Variants in SNX13 observed in about 807,000 individuals in gnomAD.
SNX13 encodes sorting nexin-13.
In SNX13, 45 loss-of-function variants were observed where a neutral mutation model predicts 133.6. The observed-to-expected ratio is 0.34, with a 90% CI of 0.27 to 0.43. The LOEUF (loss-of-function observed/expected upper bound fraction) is 0.43, where lower values mean the gene tolerates loss of function less well. Among genes scored for constraint, SNX13 ranks in the 20% least tolerant of loss-of-function variants. SNX13 has a pLI of 1.00. For missense variants in SNX13, 1,032 were observed against 1,145.1 expected, an observed-to-expected ratio of 0.90 and a Z score of 1.43; for synonymous variants, 414 against 373.9, an observed-to-expected ratio of 1.11 and a Z score of -1.24.
chr7:17,932,778 C>A (rs1333082188), intron 1 of SNX13, among the ~76,000 whole-genome samples: 1 of 152,186 alleles, frequency 6.6e-6, no homozygotes, highest in Non-Finnish European at 1.5e-5. Flanking sequence ...GTAGATTTAC[C>A]AGGAGTTGTA....
chr7:17,875,343 T>C (rs1794600063), intron 7 of SNX13, 137 bp downstream of exon 7: 4 of 629,670 alleles, frequency 6.4e-6, no homozygotes, highest in South Asian at 2.4e-5. Context: ...AGTTACAAAA[T>C]AAAATAAAAT....
intron 9 of SNX13, among the ~76,000 whole-genome samples, chr7:17,858,766 C>T (rs540226479): frequency 6.6e-6 from 1 of 152,148 alleles, no homozygotes; most frequent in Admixed American, 6.5e-5. Context: ...CATATGGGTA[C>T]ACAAAGAGAG....
chr7:17,852,168 G>A (rs1791293507), intron 9 of SNX13, among the ~76,000 whole-genome samples: 1 of 152,218 alleles, frequency 6.6e-6, no homozygotes, highest in Non-Finnish European at 1.5e-5. Flanking sequence ...GAAGTCAGGA[G>A]TTCGAGACCA....
chr7:17,927,334 C>T (rs900521052), intron 1 of SNX13, among the ~76,000 whole-genome samples: 2 of 151,878 alleles, frequency 1.3e-5, no homozygotes, highest in Non-Finnish European at 2.9e-5. Flanking sequence ...CCTCCAACAC[C>T]TGGACTCCAG....
At position 17,792,008 on chromosome 7, in the gene SNX13, T is replaced by G. The variant is rs932499750; in HGVS notation, c.*2037A>C. ...TCTTGCAGGGCTCTATTTTGAAAATTTGCAATATTACATGACCTTTATTTC... is the reference window on the plus strand; with the variant it reads ...TCTTGCAGGGCTCTATTTTGAAAATGTGCAATATTACATGACCTTTATTTC... On this transcript the variant is annotated 3_prime_UTR_variant, in exon 26 of 26. Transcript: ENST00000428135. The G allele has an allele frequency of 6.6e-5, 10 of 152,108 alleles. No individual in the cohort carries two copies. The highest frequency in any genetic ancestry group is 1.3e-4 in the Admixed American group (2 of 15,246). The allele number at this position is 152,108 out of a possible 1,614,324, so 9.4% of individuals were successfully genotyped here.
chr7:17,894,396 G>C (rs972203674), intron 2 of SNX13, among the ~76,000 whole-genome samples: 2 of 151,744 alleles, frequency 1.3e-5, no homozygotes, highest in Non-Finnish European at 2.9e-5. Flanking sequence ...CTAAATGACA[G>C]AATTCTATAG....
chr7:17,873,323 T>C (rs987208123), intron 8 of SNX13, among the ~76,000 whole-genome samples: 1 of 152,372 alleles, frequency 6.6e-6, no homozygotes, highest in East Asian at 1.9e-4. Flanking sequence ...TATTAGGTAA[T>C]GAAATACATG....
chr7:17,846,892 G>T (rs1790608283), intron 11 of SNX13, among the ~76,000 whole-genome samples: 1 of 152,138 alleles, frequency 6.6e-6, no homozygotes, highest in South Asian at 2.1e-4. Flanking sequence ...AGGTTTCTAA[G>T]ATTTCAAGAT....
At chr7:17,912,159 G>C (rs949786221) in intron 1 of SNX13, among the ~76,000 whole-genome samples, 1 of 152,212 alleles carries the variant, frequency 6.6e-6, no homozygotes, top group Admixed American at 6.5e-5. Context: ...CCAGGAAGAA[G>C]AAGGTGGGCA....
chr7:17,920,762 A>C (rs1487600388), intron 1 of SNX13, among the ~76,000 whole-genome samples: 1 of 152,198 alleles, frequency 6.6e-6, no homozygotes, highest in Admixed American at 6.5e-5. Context: ...ATAAATAAGA[A>C]GAGTTTGCCT....
At chr7:17,894,257 C>T (rs959871549) in intron 2 of SNX13, among the ~76,000 whole-genome samples, 27 of 151,450 alleles carry the variant, frequency 1.8e-4, no homozygotes, top group Admixed American at 1.7e-3. Flanking sequence ...GAGCCGAGAT[C>T]GCGCCACTGC....
chr7:17,925,873 A>G (rs1370838607), intron 1 of SNX13, among the ~76,000 whole-genome samples: 2 of 151,372 alleles, frequency 1.3e-5, no homozygotes, highest in African/African-American at 2.4e-5. Context: ...AAGAAACATA[A>G]CAATCACATT....
chr7:17,835,342 A>G (rs1279874851), intron 13 of SNX13, among the ~76,000 whole-genome samples: 2 of 151,906 alleles, frequency 1.3e-5, no homozygotes, highest in African/African-American at 4.8e-5. Flanking sequence ...ATTTGACCCT[A>G]GAGAAACCTT....
At chr7:17,920,788 C>A (rs910522438) in intron 1 of SNX13, among the ~76,000 whole-genome samples, 5 of 152,192 alleles carry the variant, frequency 3.3e-5, no homozygotes, top group Non-Finnish European at 7.4e-5. Context: ...ATATATAAGG[C>A]CCTTTTTCAC....
chr7:17,935,299 T>C (rs1216091372), intron 1 of SNX13, among the ~76,000 whole-genome samples: 1 of 152,192 alleles, frequency 6.6e-6, no homozygotes, highest in African/African-American at 2.4e-5. Flanking sequence ...CTCACTTATA[T>C]GTGAAATTTA....
chr7:17,883,805 T>G (rs2128367730), intron 5 of SNX13, among the ~76,000 whole-genome samples: 3 of 152,158 alleles, frequency 2.0e-5, no homozygotes, highest in Middle Eastern at 6.8e-3. Context: ...CACTCATGGG[T>G]GAGAACATAC....
At chr7:17,836,417 T>A (rs1447252433) in intron 13 of SNX13, among the ~76,000 whole-genome samples, 4 of 152,038 alleles carry the variant, frequency 2.6e-5, no homozygotes, top group Non-Finnish European at 5.9e-5. Flanking sequence ...CTCGGGAGTC[T>A]GAGTCAAGAG....
chr7:17,875,795 T>C lies in SNX13; in HGVS notation c.441-5A>G, dbSNP rs1053272558. The C allele has an allele frequency of 2.5e-6, 4 of 1,578,670 alleles. No homozygotes were observed. Among genetic ancestry groups the C allele is most frequent in the Non-Finnish European group, 2.6e-6 (3 of 1,162,878 alleles). ...TGCCAGTCTATTTCTTTTGACCTTA[T>C]AAAAAACACATTACATAAAAGGATT... is the stretch of plus-strand genomic sequence containing the variant. On this transcript the variant is annotated splice_region_variant and splice_polypyrimidine_tract_variant and intron_variant, in intron 5 of 25. Coordinates refer to ENST00000428135, the MANE Select transcript of SNX13 (RefSeq NM_015132.5).
intron 12 of SNX13, among the ~76,000 whole-genome samples, chr7:17,844,771 C>G (rs1313020162): frequency 6.6e-6 from 1 of 150,504 alleles, no homozygotes; most frequent in Non-Finnish European, 1.5e-5. Context: ...CAGTCTAATA[C>G]AGCACAACAG....
Sources: allele counts gnomAD v4.1 joint callset (sites outside exome capture counted in the v4.1 genomes callset), GRCh38; gene constraint gnomAD v4.1.1; transcripts MANE v1.5; gene names NCBI Gene and HGNC (gene_info 2026-07-23, HGNC 2026-07-21).